The following PCDH15 variants were observed in gnomAD, a reference collection of about 807,000 sequenced individuals.
The protein encoded by PCDH15 is protocadherin related 15.
In PCDH15, 129 loss-of-function variants were observed where a neutral mutation model predicts 178.5. The ratio of observed to expected loss-of-function variants is 0.72; its 90% confidence interval spans 0.63 to 0.84. The LOEUF (loss-of-function observed/expected upper bound fraction) is 0.84. PCDH15 is among the 40% of genes least tolerant of loss of function. PCDH15 has a pLI of 0.00. For synonymous variants in PCDH15, 800 were observed against 732.0 expected (o/e 1.09, Z -1.50); for missense variants, 2,230 against 2,099.9 (o/e 1.06, Z -1.21).
At chr10:55,224,975 G>T (rs1315197367) in intron 1 of PCDH15, among the ~76,000 whole-genome samples, 3 of 151,970 alleles carry the variant, frequency 2.0e-5, no homozygotes, top group Non-Finnish European at 4.4e-5. Context: ...CCACTCCTTG[G>T]TCAATATCAT....
chr10:54,765,915 A>G (rs1948452177), intron 1 of PCDH15, among the ~76,000 whole-genome samples: 1 of 152,164 alleles, frequency 6.6e-6, no homozygotes, highest in Non-Finnish European at 1.5e-5. Context: ...TTCATGCTTC[A>G]CATGGCAATA....
chr10:55,291,647 G>A (rs1383723025), intron 1 of PCDH15, among the ~76,000 whole-genome samples: 1 of 152,152 alleles, frequency 6.6e-6, no homozygotes, highest in African/African-American at 2.4e-5. Flanking sequence ...GCTCTCAGAT[G>A]ATGACTGACT....
chr10:55,002,462 C>T (rs901136406), intron 2 of PCDH15, among the ~76,000 whole-genome samples: 3 of 152,204 alleles, frequency 2.0e-5, no homozygotes, highest in Admixed American at 2.0e-4. Flanking sequence ...CACTAGAGTG[C>T]TAGCAATTAG....
intron 20 of PCDH15, among the ~76,000 whole-genome samples, chr10:54,014,192 C>G (rs954775663): frequency 2.0e-5 from 3 of 152,092 alleles, no homozygotes; most frequent in African/African-American, 7.2e-5. Context: ...TTCCTGGAAC[C>G]ATTCAACCTC....
chr10:53,961,080 T>A (rs1042858792), intron 22 of PCDH15, among the ~76,000 whole-genome samples: 1 of 152,052 alleles, frequency 6.6e-6, no homozygotes, highest in East Asian at 1.9e-4. Context: ...TGACAAAAAA[T>A]CAAATAGATA....
intron 15 of PCDH15, among the ~76,000 whole-genome samples, chr10:54,124,212 T>C (rs957333490): frequency 1.3e-5 from 2 of 152,190 alleles, no homozygotes; most frequent in African/African-American, 2.4e-5. Flanking sequence ...CAATACATTT[T>C]GCTAAATGAA....
At chr10:54,758,058 CGAAAAA>C (rs1566149613) in intron 1 of PCDH15, among the ~76,000 whole-genome samples, 1 of 151,738 alleles carries the variant, frequency 6.6e-6, no homozygotes, top group African/African-American at 2.4e-5. Flanking sequence ...AGAATATACA[CGAAAAA>C]GAAAAACATG....
chr10:54,888,826 G>A (rs1954408473), intron 3 of PCDH15, among the ~76,000 whole-genome samples: 1 of 139,452 alleles, frequency 7.2e-6, no homozygotes, highest in African/African-American at 2.7e-5. Context: ...TTATTACTTA[G>A]TTTTGAGTTT....
intron 1 of PCDH15, among the ~76,000 whole-genome samples, chr10:55,175,725 A>C (rs1839467691): frequency 6.6e-6 from 1 of 151,878 alleles, no homozygotes; most frequent in Non-Finnish European, 1.5e-5. Flanking sequence ...AAAGAAAAGA[A>C]AACCTCCTGA....
At chr10:55,589,207 T>A (rs1842787726) in intron 2 of PCDH15, among the ~76,000 whole-genome samples, 1 of 152,142 alleles carries the variant, frequency 6.6e-6, no homozygotes, top group Non-Finnish European at 1.5e-5. Flanking sequence ...TTTAAGTCTT[T>A]AATCCACCTT....
At chr10:53,979,145 T>C (rs2090423585) in intron 21 of PCDH15, among the ~76,000 whole-genome samples, 1 of 152,200 alleles carries the variant, frequency 6.6e-6, no homozygotes, top group African/African-American at 2.4e-5. Context: ...TATGGGGACA[T>C]ACCAGATACT....
chr10:54,592,247 C>T (rs769051707), intron 2 of PCDH15, among the ~76,000 whole-genome samples: 7 of 152,058 alleles, frequency 4.6e-5, no homozygotes, highest in African/African-American at 7.2e-5. Flanking sequence ...GTAGAGCTCA[C>T]GTTTCCTTGA....
intron 2 of PCDH15, among the ~76,000 whole-genome samples, chr10:55,619,150 C>A (rs527564805): frequency 1.6e-4 from 25 of 152,070 alleles, no homozygotes; most frequent in Non-Finnish European, 2.9e-4. Flanking sequence ...CCCAATATTT[C>A]TTTTGGCTTA....
chr10:54,930,346 C>T (rs770988543), intron 2 of PCDH15, among the ~76,000 whole-genome samples: 1 of 152,106 alleles, frequency 6.6e-6, no homozygotes. Context: ...ACTGTAGGAC[C>T]GGAAGTCCCA....
chr10:54,924,576 C>G lies in PCDH15; in HGVS notation c.-79-27076G>C, dbSNP rs1733788. Among the ~76,000 whole-genome samples the G allele has an allele frequency of 2.0e-5, 3 of 149,664 alleles. 1 individual carries two copies. Among genetic ancestry groups the G allele is most frequent in the African/African-American group, 7.3e-5 (3 of 41,008 alleles). On this transcript the variant is annotated intron_variant, in intron 2 of 5. Coordinates refer to the PCDH15 transcript ENST00000458638. The stretch of plus-strand genomic sequence containing the variant: ...ACTCCCCCCATAGCATATAAGTGTT[C>G]TTTTTTCTCCACAACCTCATTAGCA...
At chr10:55,475,031 G>A (rs910907705) in intron 2 of PCDH15, among the ~76,000 whole-genome samples, 11 of 152,118 alleles carry the variant, frequency 7.2e-5, no homozygotes, top group Middle Eastern at 3.4e-3. Flanking sequence ...CACAACACTC[G>A]TCTTCGCCCA....
chr10:54,215,988 A>C (rs1340422798), intron 9 of PCDH15, among the ~76,000 whole-genome samples: 1 of 82,600 alleles, frequency 1.2e-5, no homozygotes, highest in African/African-American at 3.6e-5. Flanking sequence ...GCTTGCAGTG[A>C]GCTGAGATCG....
chr10:54,620,375 T>C (rs2093318003), intron 2 of PCDH15, among the ~76,000 whole-genome samples: 2 of 152,052 alleles, frequency 1.3e-5, no homozygotes. Flanking sequence ...AGATGGGAAT[T>C]TGAGATAAAA....
chr10:55,039,171 A>G, intron 2 of PCDH15, among the ~76,000 whole-genome samples: 1 of 152,114 alleles, frequency 6.6e-6, no homozygotes, highest in Non-Finnish European at 1.5e-5. Flanking sequence ...TTAGATTGGA[A>G]AAAACATGTA....
Sources: gnomAD v4.1 joint callset for allele counts (sites outside exome capture counted in the v4.1 genomes callset) on GRCh38, gnomAD v4.1.1 for gene constraint, MANE v1.5 for transcripts, NCBI Gene and HGNC (gene_info 2026-07-23, HGNC 2026-07-21) for gene names.